Variants in ADARB2 observed in about 807,000 individuals in gnomAD.
ADARB2 encodes inactive double-stranded RNA-specific editase B2.
Under a neutral mutation model 62.2 loss-of-function variants are expected in ADARB2, and 25 were observed. The observed-to-expected ratio is 0.40, with a 90% CI of 0.29 to 0.56. The LOEUF (loss-of-function observed/expected upper bound fraction) is 0.56, where lower values mean the gene tolerates loss of function less well. ADARB2 is among the 20% of genes least tolerant of loss of function. The probability of loss-of-function intolerance (pLI) is 0.43; values close to 1 mark genes in which losing one functional copy is unlikely to be tolerated. For synonymous variants in ADARB2, 572 were observed against 500.8 expected (o/e 1.14, Z -1.90); for missense variants, 1,071 against 1,077.4 (o/e 0.99, Z 0.08).
At chr10:1,647,944 G>C (rs1216280342) in intron 1 of ADARB2, among the ~76,000 whole-genome samples, 2 of 151,996 alleles carry the variant, frequency 1.3e-5, no homozygotes, top group African/African-American at 4.8e-5. Flanking sequence ...ATCTCGAACT[G>C]GAGGCTCCAG....
At chr10:1,318,668 G>A (rs1382876035) in intron 3 of ADARB2, among the ~76,000 whole-genome samples, 1 of 152,148 alleles carries the variant, frequency 6.6e-6, no homozygotes. Flanking sequence ...AAGGCTGCTC[G>A]AGACTGTGTT....
At position 1,426,139 on chromosome 10, in the gene ADARB2, G is replaced by A. The variant is rs561091202; in HGVS notation, c.101-46979C>T. 3.9e-5 allele frequency among the ~76,000 whole-genome samples: 6 copies of A among 152,264 alleles called. No homozygotes were observed. The South Asian group carries it at 1.2e-3, about 32-fold the overall frequency. On this transcript the variant is annotated intron_variant, in intron 1 of 9. Transcript: ENST00000381312. The surrounding 1 kb of genome is among the most constrained non-coding windows in gnomAD (Gnocchi z 4.1). ...GACACAACAAAACTCATATAGAGAA[G>A]GGGAATCAAGATCTGATGTGTAAAA...
intron 1 of ADARB2, among the ~76,000 whole-genome samples, chr10:1,402,990 C>T (rs1253894957): frequency 6.6e-6 from 1 of 152,216 alleles, no homozygotes; most frequent in Non-Finnish European, 1.5e-5. Flanking sequence ...GGGCACAGGA[C>T]TCAGCTCAGG....
At chr10:1,655,166 G>C (rs553455590) in intron 1 of ADARB2, among the ~76,000 whole-genome samples, 36 of 152,324 alleles carry the variant, frequency 2.4e-4, no homozygotes, top group African/African-American at 8.4e-4. Flanking sequence ...TGTCCCCTGA[G>C]CCCTGAGGCC....
At chr10:1,506,273 C>T (rs1831846351) in intron 1 of ADARB2, among the ~76,000 whole-genome samples, 1 of 152,142 alleles carries the variant, frequency 6.6e-6, no homozygotes, top group Admixed American at 6.5e-5. Context: ...TCAACTTCTC[C>T]TCCTGCAACC....
intron 1 of ADARB2, among the ~76,000 whole-genome samples, chr10:1,418,921 T>C (rs2997983): frequency 0.27 from 40,989 of 151,934 alleles, 7,193 homozygotes; most frequent in East Asian, 0.62. Flanking sequence ...AAGTGTGTCC[T>C]GCGCCCCTTT....
intron 7 of ADARB2, among the ~76,000 whole-genome samples, chr10:1,211,387 T>C (rs1315738816): frequency 3.3e-5 from 5 of 152,192 alleles, no homozygotes; most frequent in Non-Finnish European, 7.3e-5. Flanking sequence ...TCTATCCATC[T>C]ATCTGTCTGT....
At position 1,182,053 on chromosome 10, in the gene ADARB2, G is replaced by A. The variant is rs1165351462; in HGVS notation, c.*1140C>T. 1 of 152,200 alleles carries A rather than the reference G, an allele frequency of 6.6e-6. No homozygotes were observed. The highest frequency in any genetic ancestry group is 1.9e-4 in the East Asian group (1 of 5,204). The allele number at this position is 152,200 out of a possible 1,614,324, so 9.4% of individuals were successfully genotyped here. The stretch of plus-strand genomic sequence containing the variant: ...ATCCTGCCTCTTACATTTTTTGACA[G>A]CTGAACTTTTTTGGGGTCTTGTCCT... On this transcript the variant is annotated 3_prime_UTR_variant, in exon 10 of 10. Coordinates refer to ENST00000381312, the MANE Select transcript of ADARB2 (RefSeq NM_018702.4).
Position 1,589,493 on chromosome 10 carries a change from A to ATCCATGGTCG in ADARB2, c.100+147557_100+147558insCGACCATGGA, listed in dbSNP as rs1564340079. Among the ~76,000 whole-genome samples the ATCCATGGTCG allele has an allele frequency of 1.5e-4, 23 of 151,116 alleles. No individual in the cohort carries two copies. The East Asian group carries it at 3.7e-3, about 25-fold the overall frequency. On this transcript the variant is annotated intron_variant, in intron 1 of 9. Coordinates refer to ENST00000381312, the MANE Select transcript of ADARB2 (RefSeq NM_018702.4). ...TGTCCACAGTGGGGCATCCATGGTC[A>ATCCATGGTCG]GGACATCCACGGTCGGGGCGTCCAT...
chr10:1,681,258 T>C (rs180840528), intron 1 of ADARB2, among the ~76,000 whole-genome samples: 232 of 152,362 alleles, frequency 1.5e-3, no homozygotes, highest in African/African-American at 5.4e-3. Flanking sequence ...ATAATTTTTA[T>C]GTCCAAGCCA....
intron 1 of ADARB2, among the ~76,000 whole-genome samples, chr10:1,472,206 G>A (rs1831331724): frequency 6.6e-6 from 1 of 152,136 alleles, no homozygotes; most frequent in African/African-American, 2.4e-5. Flanking sequence ...CGTGTGTAGG[G>A]TCTCAGGAGG....
At chr10:1,582,035 C>T (rs1048725097) in intron 1 of ADARB2, among the ~76,000 whole-genome samples, 1 of 152,204 alleles carries the variant, frequency 6.6e-6, no homozygotes, top group South Asian at 2.1e-4. Flanking sequence ...CAGCACTTGA[C>T]TTGAGGTCCG....
intron 1 of ADARB2, among the ~76,000 whole-genome samples, chr10:1,449,449 G>A (rs545544792): frequency 6.6e-6 from 1 of 152,308 alleles, no homozygotes; most frequent in East Asian, 1.9e-4. Context: ...CATTGGTCCT[G>A]TGTGTTTTCT....
intron 1 of ADARB2, among the ~76,000 whole-genome samples, chr10:1,731,385 A>C (rs1835230131): frequency 6.6e-6 from 1 of 152,232 alleles, no homozygotes; most frequent in Non-Finnish European, 1.5e-5. Flanking sequence ...CTAAGACAGT[A>C]ACATATGCAA....
chr10:1,199,166 C>CTGG (rs1319811395), intron 8 of ADARB2, among the ~76,000 whole-genome samples: 13 of 152,150 alleles, frequency 8.5e-5, no homozygotes, highest in Non-Finnish European at 1.9e-4. Context: ...ACTCAAAGAC[C>CTGG]TGGTGTTCTG....
chr10:1,449,683 C>G (rs1403714699), intron 1 of ADARB2, among the ~76,000 whole-genome samples: 2 of 152,152 alleles, frequency 1.3e-5, no homozygotes, highest in African/African-American at 4.8e-5. Flanking sequence ...TCAATGTATT[C>G]CTTTAAAGGC....
chr10:1,518,957 T>C (rs915750064), intron 1 of ADARB2, among the ~76,000 whole-genome samples: 3 of 152,044 alleles, frequency 2.0e-5, no homozygotes, highest in African/African-American at 7.2e-5. Flanking sequence ...ACGCATGCAT[T>C]CCACGTAACG....
At chr10:1,707,124 T>A (rs548847628) in intron 1 of ADARB2, among the ~76,000 whole-genome samples, 2 of 152,354 alleles carry the variant, frequency 1.3e-5, no homozygotes, top group African/African-American at 4.8e-5. Context: ...CCAGAAAATA[T>A]GCCCTTTTCC....
At chr10:1,525,495 C>A (rs73586259) in intron 1 of ADARB2, among the ~76,000 whole-genome samples, 1 of 152,070 alleles carries the variant, frequency 6.6e-6, no homozygotes, top group Non-Finnish European at 1.5e-5. Flanking sequence ...TCGCCTCAGC[C>A]GTGCAGTTCT....
Sources: allele counts gnomAD v4.1 joint callset (sites outside exome capture counted in the v4.1 genomes callset), GRCh38; gene constraint gnomAD v4.1.1; non-coding constraint Gnocchi (gnomAD v3.1); transcripts MANE v1.5; gene names NCBI Gene and HGNC (gene_info 2026-07-23, HGNC 2026-07-21).